Variants in KATNA1 observed in about 807,000 individuals in gnomAD.
The protein encoded by KATNA1 is katanin catalytic subunit A1.
KATNA1 carries 42 observed loss-of-function variants against 62.6 expected under a neutral mutation model. The ratio of observed to expected loss-of-function variants is 0.67; its 90% CI spans 0.52 to 0.87. The LOEUF is 0.87. Ranked by LOEUF, KATNA1 falls within the 40% of genes least tolerant of loss-of-function variation. KATNA1 has a pLI of 0.00. For missense variants in KATNA1, 498 were observed against 612.5 expected (o/e 0.81, Z 1.97); for synonymous variants, 186 against 201.9 (o/e 0.92, Z 0.67).
chr6:149,605,314 G>C (rs761724036), intron 4 of KATNA1, among the ~76,000 whole-genome samples: 25 of 152,044 alleles, frequency 1.6e-4, no homozygotes, highest in Non-Finnish European at 4.4e-5. Context: ...GAACTGGCTA[G>C]CATAAAAAAA....
chr6:149,613,984 G>C (rs1406452893), intron 4 of KATNA1, among the ~76,000 whole-genome samples: 1 of 152,142 alleles, frequency 6.6e-6, no homozygotes, highest in African/African-American at 2.4e-5. Flanking sequence ...AGAGGATGCA[G>C]CCCTCACCAA....
At chr6:149,645,478 A>G (rs906166651) in intron 1 of KATNA1, among the ~76,000 whole-genome samples, 5 of 151,936 alleles carry the variant, frequency 3.3e-5, no homozygotes, top group African/African-American at 4.8e-5. Flanking sequence ...AAAGAAAGAA[A>G]AAAAAGCTGA....
intron 4 of KATNA1, among the ~76,000 whole-genome samples, chr6:149,608,330 G>C (rs983377112): frequency 2.6e-5 from 4 of 152,126 alleles, no homozygotes; most frequent in African/African-American, 9.7e-5. Flanking sequence ...AGTTCCCTGG[G>C]TTTTCTTTCT....
intron 3 of KATNA1, among the ~76,000 whole-genome samples, chr6:149,632,319 G>A (rs1233045929): frequency 1.3e-5 from 2 of 149,958 alleles, no homozygotes; most frequent in Non-Finnish European, 1.5e-5. Context: ...AGATTGCAGC[G>A]AGCCGAGATC....
At chr6:149,597,347 T>C (rs1245742956) in intron 9 of KATNA1, 158 bp from the exon 10 acceptor site, 1 of 1,140,880 alleles carries the variant, frequency 8.8e-7, no homozygotes, top group African/African-American at 1.6e-5. Context: ...TTTTAATTCC[T>C]TACTATTTAG....
rs750268213 is a variant in KATNA1, at chr6:149,598,467, G to A, written c.889-117C>T. 299 of 958,530 alleles carry A rather than the reference G, an allele frequency of 3.1e-4. 1 individual carries two copies. The highest frequency in any genetic ancestry group is 4.2e-4 in the Non-Finnish European group (274 of 644,950). The allele number at this position is 958,530 out of a possible 1,614,324, so 59.4% of individuals were successfully genotyped here. A position where few individuals can be genotyped will look rare whatever the true frequency, so the allele number is the denominator to read the frequency against. On this transcript the variant is annotated intron_variant, in intron 7 of 10. Coordinates refer to ENST00000367411, the MANE Select transcript of KATNA1 (RefSeq NM_007044.4). ...AGGCTGGGCACAGTGGCTCACACCTGTAATCCCAACACTGGGAGGGTGAGG... is the reference window on the plus strand; with the variant it reads ...AGGCTGGGCACAGTGGCTCACACCTATAATCCCAACACTGGGAGGGTGAGG...
intron 3 of KATNA1, among the ~76,000 whole-genome samples, chr6:149,629,375 G>A (rs1443469121): frequency 6.6e-6 from 1 of 152,132 alleles, no homozygotes; most frequent in Non-Finnish European, 1.5e-5. Context: ...ACAGACAGAA[G>A]GTGGCTGTCT....
At chr6:149,604,024 CTT>C (rs1358807897) in intron 5 of KATNA1, among the ~76,000 whole-genome samples, 1 of 152,140 alleles carries the variant, frequency 6.6e-6, no homozygotes, top group Non-Finnish European at 1.5e-5. Flanking sequence ...AAATACCTAA[CTT>C]TGTGGAAAAG....
At chr6:149,644,359 G>A (rs551244608) in intron 1 of KATNA1, among the ~76,000 whole-genome samples, 5 of 152,068 alleles carry the variant, frequency 3.3e-5, no homozygotes, top group South Asian at 4.2e-4. Flanking sequence ...GGTGGTTCAC[G>A]CCTGTAATCC....
Position 149,604,770 on chromosome 6 carries a change from C to A in KATNA1, c.514G>T (p.Ala172Ser). ...KGREEKNKSP[A>S]AVTEPETNKF... is the part of the protein sequence containing the mutation. ...TTTGTCTCTGGTTCTGTTACTGCAG[C>A]AGGTGATTTGTTCTACATGAAGAGA... The change falls in exon 5 of 11, where the codon GCT (alanine) becomes TCT (serine). Residue 172 changes from alanine to serine, a missense_variant. Physicochemically the swap from Ala to Ser is moderately conservative, Grantham distance 99. Coordinates refer to ENST00000367411, the MANE Select transcript of KATNA1 (RefSeq NM_007044.4). 1.2e-6 allele frequency: 2 copies of A among 1,613,716 alleles called. No individual in the cohort carries two copies. Among genetic ancestry groups the A allele is most frequent in the South Asian group, 2.2e-5 (2 of 91,054 alleles).
intron 1 of KATNA1, among the ~76,000 whole-genome samples, chr6:149,641,122 G>A (rs1231082987): frequency 3.3e-5 from 5 of 151,088 alleles, no homozygotes; most frequent in Admixed American, 1.3e-4. Flanking sequence ...TGCCCACCTC[G>A]GCCTCCCAAA....
Position 149,597,168 on chromosome 6 carries a change from A to C in KATNA1, c.1172T>G (p.Leu391Ter). ...LPSAKGREEL[L>*]RISLRELELA... ...TTCCAACTCACGTAGACTTATTCGT[A>C]ATAGCTCCTCCCTGCCTTTTGCTAA... The change falls in exon 10 of 11, where the codon TTA (leucine) becomes TGA (stop). Residue 391 changes from leucine (L) to a stop codon, truncating the protein, a stop_gained. Transcript: ENST00000367411. LOFTEE classifies it high-confidence loss of function. The C allele has an allele frequency of 6.2e-7, 1 of 1,613,988 alleles. No individual in the cohort carries two copies. Among genetic ancestry groups the C allele is most frequent in the Non-Finnish European group, 8.5e-7 (1 of 1,179,984 alleles).
rs750297626 is a variant in KATNA1, at chr6:149,638,465, T to C, written c.83A>G (p.Tyr28Cys). Residue 28 changes from tyrosine to cysteine, a missense_variant, in exon 2 of 11, where the codon TAT becomes TGT. Tyr to Cys is a radical substitution (Grantham distance 194). This residue lies in a region of KATNA1 where 28 missense variants were observed against 41.6 expected (regional missense o/e 0.67). Coordinates refer to ENST00000367411, the MANE Select transcript of KATNA1 (RefSeq NM_007044.4). ...CATTTGGTCAAGAACTCCCTGATAA[T>C]AGACCATCGCAGAGTCATAGTTTCC... ...LLGNYDSAMV[Y>C]YQGVLDQMNK... 1.2e-6 allele frequency: 2 copies of C among 1,613,848 alleles called. No individual in the cohort carries two copies. The highest frequency in any genetic ancestry group is 1.7e-5 in the Admixed American group (1 of 59,988).
At chr6:149,616,943 G>T (rs1378040070) in intron 4 of KATNA1, among the ~76,000 whole-genome samples, 1 of 152,152 alleles carries the variant, frequency 6.6e-6, no homozygotes, top group Non-Finnish European at 1.5e-5. Flanking sequence ...AACAAAGCAT[G>T]AAATATATAT....
intron 3 of KATNA1, among the ~76,000 whole-genome samples, chr6:149,625,356 C>T (rs577453715): frequency 6.6e-6 from 1 of 152,142 alleles, no homozygotes; most frequent in Admixed American, 6.6e-5. Context: ...CACTTCAGGC[C>T]GGGCACGGTG....
intron 3 of KATNA1, among the ~76,000 whole-genome samples, chr6:149,625,760 C>A (rs1045483418): frequency 2.0e-5 from 3 of 152,038 alleles, no homozygotes; most frequent in African/African-American, 7.2e-5. Flanking sequence ...ATGGCGAAAC[C>A]CCGTCTCTAC....
chr6:149,613,202 AAAAAAAAAAAAAAAAG>A (rs1779030094), intron 4 of KATNA1, among the ~76,000 whole-genome samples: 2 of 143,014 alleles, frequency 1.4e-5, no homozygotes, highest in South Asian at 2.2e-4. Context: ...AAAAAAAAAA[AAAAAAAAAAAAAAAAG>A]AACATCTACA....
chr6:149,614,538 T>G (rs1779091520), intron 4 of KATNA1, among the ~76,000 whole-genome samples: 1 of 152,134 alleles, frequency 6.6e-6, no homozygotes, highest in Non-Finnish European at 1.5e-5. Flanking sequence ...TTTGAGACGC[T>G]GAAATGCAAG....
intron 1 of KATNA1, among the ~76,000 whole-genome samples, chr6:149,641,559 G>C (rs1780291707): frequency 6.6e-6 from 1 of 152,058 alleles, no homozygotes; most frequent in African/African-American, 2.4e-5. Context: ...CAAGAGAAAA[G>C]CTGAGCAACT....
Sources: allele counts gnomAD v4.1 joint callset (sites outside exome capture counted in the v4.1 genomes callset), GRCh38; gene constraint gnomAD v4.1.1; regional missense constraint gnomAD v4.1.1; transcripts MANE v1.5; gene names NCBI Gene and HGNC (gene_info 2026-07-23, HGNC 2026-07-21).